PLEKHM2: variants seen among roughly 807,000 people sequenced by gnomAD.
PLEKHM2 encodes pleckstrin homology domain-containing family M member 2.
A neutral mutation model predicts 116.3 loss-of-function variants in PLEKHM2; 77 were observed. That is an observed-to-expected ratio of 0.66 (90% CI 0.55 to 0.80). The LOEUF is 0.80. Among genes scored for constraint, PLEKHM2 ranks in the 30% least tolerant of loss-of-function variants. The probability of loss-of-function intolerance (pLI) is 0.00; values close to 1 mark genes in which losing one functional copy is unlikely to be tolerated. For synonymous variants in PLEKHM2, 562 were observed against 571.0 expected (o/e 0.98, Z 0.22); for missense variants, 1,183 against 1,354.9 (o/e 0.87, Z 1.99).
rs2148374934 is a variant in PLEKHM2 at position 15,728,833 on chromosome 1, C to T, written c.1986+100C>T. 2 of 1,150,898 alleles carry T rather than the reference C, an allele frequency of 1.7e-6. No homozygotes were observed. Among genetic ancestry groups the T allele is most frequent in the South Asian group, 2.7e-5 (2 of 75,126 alleles). The allele number at this position is 1,150,898 out of a possible 1,614,324, so 71.3% of individuals were successfully genotyped here. ...GGGCGAGGCACGGCCCCTTACTCCC[C>T]TCCCGGGGTTGGGCACCAACTTAAC... is the stretch of plus-strand genomic sequence containing the variant. On this transcript the variant is annotated intron_variant, in intron 12 of 19. Transcript: ENST00000375799. This position sits in a 1 kb window ranked among gnomAD's most constrained non-coding sequence, Gnocchi z 5.9.
chr1:15,728,800 G>A lies in PLEKHM2; in HGVS notation c.1986+67G>A, dbSNP rs1372802544. ...GGGCTTCTCAAGCCACTTACCCATA[G>A]AACTGCAGGGCGAGGCACGGCCCCT... is the stretch of plus-strand genomic sequence containing the variant. On this transcript the variant is annotated intron_variant, in intron 12 of 19. Coordinates refer to ENST00000375799, the MANE Select transcript of PLEKHM2 (RefSeq NM_015164.4). This position sits in a 1 kb window ranked among gnomAD's most constrained non-coding sequence, Gnocchi z 5.9. 11 of 1,408,616 alleles carry A rather than the reference G, an allele frequency of 7.8e-6. No individual in the cohort carries two copies. The highest frequency in any genetic ancestry group is 1.1e-5 in the Non-Finnish European group (11 of 1,013,786). 87.3% of individuals were successfully genotyped at this position (1,408,616 alleles called of 1,614,324 possible).
chr1:15,726,593 C>G (rs547274161), intron 8 of PLEKHM2, among the ~76,000 whole-genome samples: 1 of 152,318 alleles, frequency 6.6e-6, no homozygotes, highest in South Asian at 2.1e-4. Flanking sequence ...CTGGGTGATT[C>G]CTCCATGATG....
chr1:15,729,016 C>T lies in PLEKHM2; in HGVS notation c.1987-86C>T, dbSNP rs2068103873. ...GGCCCGGGGTGTGCTTCTTCCTCCC[C>T]AGCAAGCGCTCAGCCTGGCCAAGCT... is the stretch of plus-strand genomic sequence containing the variant. On this transcript the variant is annotated intron_variant, in intron 12 of 19. Transcript: ENST00000375799. The surrounding 1 kb of genome is among the most constrained non-coding windows in gnomAD (Gnocchi z 4.7). The T allele has an allele frequency of 2.4e-6, 3 of 1,272,062 alleles. No homozygotes were observed. The highest frequency in any genetic ancestry group is 3.4e-6 in the Non-Finnish European group (3 of 895,170). The allele number at this position is 1,272,062 out of a possible 1,614,324, so 78.8% of individuals were successfully genotyped here.
chr1:15,729,027 C>A lies in PLEKHM2; in HGVS notation c.1987-75C>A. 1 of 1,382,688 alleles carries A rather than the reference C, an allele frequency of 7.2e-7. No individual in the cohort carries two copies. The highest frequency in any genetic ancestry group is 1.0e-6 in the Non-Finnish European group (1 of 993,622). The allele number at this position is 1,382,688 out of a possible 1,614,324, so 85.7% of individuals were successfully genotyped here. Reference sequence around the variant, plus strand: ...TGCTTCTTCCTCCCCAGCAAGCGCTCAGCCTGGCCAAGCTGCCTTCTCCGC... The same window carrying A: ...TGCTTCTTCCTCCCCAGCAAGCGCTAAGCCTGGCCAAGCTGCCTTCTCCGC... On this transcript the variant is annotated intron_variant, in intron 12 of 19. Coordinates refer to ENST00000375799, the MANE Select transcript of PLEKHM2 (RefSeq NM_015164.4). The surrounding 1 kb of genome is among the most constrained non-coding windows in gnomAD (Gnocchi z 4.7).
chr1:15,733,758 T>A (rs1389532719), intron 19 of PLEKHM2, 39 bp from the exon 20 acceptor site: 2 of 1,600,918 alleles, frequency 1.2e-6, no homozygotes, highest in Non-Finnish European at 1.7e-6. Context: ...CCTGTGGCCC[T>A]CAGTGGCCCT....
At chr1:15,726,449 G>A (rs2068064547) in intron 8 of PLEKHM2, among the ~76,000 whole-genome samples, 1 of 152,220 alleles carries the variant, frequency 6.6e-6, no homozygotes, top group African/African-American at 2.4e-5. Flanking sequence ...GGAGCCAGGA[G>A]GCCACCCCAT....
intron 1 of PLEKHM2, among the ~76,000 whole-genome samples, chr1:15,688,034 C>A (rs1023361285): frequency 6.6e-6 from 1 of 152,172 alleles, no homozygotes; most frequent in African/African-American, 2.4e-5. Flanking sequence ...GAGCGGACAG[C>A]TTAATGAGTT....
chr1:15,700,064 C>T (rs1255588711), intron 1 of PLEKHM2, among the ~76,000 whole-genome samples: 3 of 151,732 alleles, frequency 2.0e-5, no homozygotes, highest in Non-Finnish European at 4.4e-5. Flanking sequence ...GCTGGTGAAG[C>T]GGCAGGCACC....
intron 1 of PLEKHM2, among the ~76,000 whole-genome samples, chr1:15,688,521 G>C (rs10927829): frequency 5.3e-5 from 8 of 151,834 alleles, no homozygotes; most frequent in Non-Finnish European, 7.4e-5. Context: ...GTGTGGTGGC[G>C]CGTGCCTGTA....
At chr1:15,701,417 G>A (rs1229934231) in intron 1 of PLEKHM2, among the ~76,000 whole-genome samples, 1 of 147,482 alleles carries the variant, frequency 6.8e-6, no homozygotes, top group African/African-American at 2.5e-5. Context: ...TGGGCAACAA[G>A]AGCACAACTC....
upstream of PLEKHM2, chr1:15,683,201 G>A (rs1640682236): frequency 6.5e-6 from 1 of 152,808 alleles, no homozygotes; most frequent in Non-Finnish European, 1.5e-5. Context: ...AGGCTGTGGA[G>A]GGCCAGGGGG....
At chr1:15,699,221 TGCA>T (rs1641062402) in intron 1 of PLEKHM2, among the ~76,000 whole-genome samples, 1 of 152,058 alleles carries the variant, frequency 6.6e-6, no homozygotes, top group Non-Finnish European at 1.5e-5. Flanking sequence ...GTGCACAATG[TGCA>T]GGTTTGTTAC....
Position 15,728,964 on chromosome 1 carries a change from C to T in PLEKHM2, c.1987-138C>T, listed in dbSNP as rs1440669155. 1.2e-6 allele frequency: 1 copy of T among 851,864 alleles called. No individual in the cohort carries two copies. Among genetic ancestry groups the T allele is most frequent in the Admixed American group, 2.1e-5 (1 of 47,102 alleles). 52.8% of individuals were successfully genotyped at this position (851,864 alleles called of 1,614,324 possible). A position where few individuals can be genotyped will look rare whatever the true frequency, so the allele number is the denominator to read the frequency against. ...GTCCCTCCCTCACTCATGCCAGCCC[C>T]TGGCCTCTGGGGCTTTACTTGGTGG... On this transcript the variant is annotated intron_variant, in intron 12 of 19. Coordinates refer to ENST00000375799, the MANE Select transcript of PLEKHM2 (RefSeq NM_015164.4). The surrounding 1 kb of genome is among the most constrained non-coding windows in gnomAD (Gnocchi z 5.9).
intron 1 of PLEKHM2, among the ~76,000 whole-genome samples, chr1:15,695,453 A>G (rs1640975124): frequency 6.6e-6 from 1 of 152,170 alleles, no homozygotes; most frequent in African/African-American, 2.4e-5. Flanking sequence ...GCCAGGCCCT[A>G]CAGTTGGCAT....
chr1:15,725,762 G>A (rs1212809596), intron 8 of PLEKHM2: 1 of 577,668 alleles, frequency 1.7e-6, no homozygotes, highest in Non-Finnish European at 3.1e-6. Flanking sequence ...CCGCAGACAG[G>A]CGGCTTCCAC....
chr1:15,719,871 C>T lies in PLEKHM2; in HGVS notation c.603C>T (p.Thr201=), dbSNP rs2067966963. The change falls in exon 6 of 20, where the codon ACC becomes ACT. Residue 201 remains threonine, a synonymous_variant. Transcript: ENST00000375799. The surrounding 1 kb of genome is among the most constrained non-coding windows in gnomAD (Gnocchi z 4.1). The part of the protein sequence containing the change: ...SLSLNSFNSV[T]STNLEWDDSA... ...CCCTCAACTCTTTCAACTCCGTCAC[C>T]TCCACCAACCTGGAGTGGGATGACA... is the stretch of plus-strand genomic sequence containing the variant. 1 of 1,613,896 alleles carries T rather than the reference C, an allele frequency of 6.2e-7. No homozygotes were observed. The highest frequency in any genetic ancestry group is 8.5e-7 in the Non-Finnish European group (1 of 1,179,826).
In PLEKHM2 at chr1:15,734,135, C is replaced by G. The variant is rs541053509; in HGVS notation, c.*201C>G. On this transcript the variant is annotated 3_prime_UTR_variant, in exon 20 of 20. Transcript: ENST00000375799. ...GTGCCCGGCACCCCTGGGCATCCTG[C>G]CCGACAGGTAGCGAATGGAGGTCGC... 4.8e-5 allele frequency: 29 copies of G among 606,548 alleles called. 1 individual carries two copies. The highest frequency in any genetic ancestry group is 4.5e-4 in the African/African-American group (24 of 53,226). 37.6% of individuals were successfully genotyped at this position (606,548 alleles called of 1,614,324 possible).
At chr1:15,687,372 C>T (rs533388457) in intron 1 of PLEKHM2, among the ~76,000 whole-genome samples, 1 of 152,004 alleles carries the variant, frequency 6.6e-6, no homozygotes, top group East Asian at 1.9e-4. Flanking sequence ...GACGGGGTTT[C>T]ACCGTGTTAG....
chr1:15,727,411 G>A lies in PLEKHM2; in HGVS notation c.1339G>A (p.Glu447Lys), dbSNP rs2068079651. The change falls in exon 9 of 20, where the codon GAG (glutamate) becomes AAG (lysine). Residue 447 changes from glutamate (E) to lysine (K), a missense_variant. Around this residue, in one of 3 missense-constraint regions of PLEKHM2, gnomAD observed 372 missense variants for 357.2 expected, o/e 1.04. Transcript: ENST00000375799. This position sits in a 1 kb window ranked among gnomAD's most constrained non-coding sequence, Gnocchi z 7.5. Reference sequence around the variant, plus strand: ...GACCGGCTCTCCCGGGGATGCCCCGGAGAGGCCGCCGCTTTGCGACTTTAG... The same window carrying A: ...GACCGGCTCTCCCGGGGATGCCCCGAAGAGGCCGCCGCTTTGCGACTTTAG... ...FRTGSPGDAP[E>K]RPPLCDFSEG... 4 of 1,605,416 alleles carry A rather than the reference G, an allele frequency of 2.5e-6. No individual in the cohort carries two copies. The highest frequency in any genetic ancestry group is 2.2e-5 in the South Asian group (2 of 89,986).
Sources: gnomAD v4.1 joint callset for allele counts (sites outside exome capture counted in the v4.1 genomes callset) on GRCh38, gnomAD v4.1.1 for gene constraint, gnomAD v4.1.1 regional missense constraint, Gnocchi (gnomAD v3.1) non-coding constraint, MANE v1.5 for transcripts, NCBI Gene and HGNC (gene_info 2026-07-23, HGNC 2026-07-21) for gene names.